GRK6: variants seen among roughly 807,000 people sequenced by gnomAD.
The protein encoded by GRK6 is G protein-coupled receptor kinase 6.
Under a neutral mutation model 80.8 loss-of-function variants are expected in GRK6, and 37 were observed. The observed-to-expected ratio is 0.46, with a 90% CI of 0.35 to 0.60. The LOEUF (loss-of-function observed/expected upper bound fraction) is 0.60. GRK6 is among the 20% of genes least tolerant of loss of function. GRK6 has a pLI of 0.00. For missense variants in GRK6, 560 were observed against 784.6 expected, an observed-to-expected ratio of 0.71 and a Z score of 3.42; for synonymous variants, 295 against 320.9, an observed-to-expected ratio of 0.92 and a Z score of 0.86.
intron 15 of GRK6, 105 bp from the exon 16 acceptor site, chr5:177,441,632 G>T (rs1764504276): frequency 4.2e-6 from 4 of 962,438 alleles, no homozygotes; most frequent in Non-Finnish European, 6.8e-6. Flanking sequence ...CCCTCAGGCA[G>T]CTCCTGGCCT....
At chr5:177,435,430 T>C (rs914284181) in intron 11 of GRK6, among the ~76,000 whole-genome samples, 1 of 152,252 alleles carries the variant, frequency 6.6e-6, no homozygotes, top group Non-Finnish European at 1.5e-5. Context: ...GCCCTCCCTG[T>C]GCCCATCTGT....
chr5:177,434,965 C>T, intron 10 of GRK6, 26 bp downstream of exon 10: 1 of 1,601,354 alleles, frequency 6.2e-7, no homozygotes, highest in Non-Finnish European at 8.6e-7. Flanking sequence ...TGGGGTGGGT[C>T]AGGGTGGGGT....
intron 11 of GRK6, among the ~76,000 whole-genome samples, chr5:177,435,501 G>T (rs897962765): frequency 6.6e-6 from 1 of 152,226 alleles, no homozygotes; most frequent in Non-Finnish European, 1.5e-5. Context: ...ACCGAGAGAC[G>T]CAGGAGGCAG....
intron 13 of GRK6, 70 bp downstream of exon 13, chr5:177,436,600 C>A (rs1257082866): frequency 2.1e-6 from 3 of 1,397,662 alleles, no homozygotes; most frequent in African/African-American, 2.9e-5. Flanking sequence ...CTTGTAGTAT[C>A]AGCCAGGATG....
chr5:177,440,844 G>A lies in GRK6; in HGVS notation c.1542+7G>A, dbSNP rs776446206. ...CATCCCCTGGCAGAACGAGGTGGGG[G>A]CCTGCCCTGCTGGTGGGGTGGGCTC... On this transcript the variant is annotated splice_region_variant and intron_variant, in intron 14 of 15. Transcript: ENST00000355472. The A allele has an allele frequency of 1.2e-6, 2 of 1,613,808 alleles. No individual in the cohort carries two copies. Among genetic ancestry groups the A allele is most frequent in the East Asian group, 2.2e-5 (1 of 44,876 alleles).
rs1763946732 is a variant in GRK6 at position 177,432,447 on chromosome 5, C to G, written c.339+137C>G. The G allele has an allele frequency of 7.5e-6, 7 of 931,716 alleles. No individual in the cohort carries two copies. In the Admixed American group the frequency reaches 1.5e-4, roughly 19 times the overall value. The allele number at this position is 931,716 out of a possible 1,614,324, so 57.7% of individuals were successfully genotyped here. On this transcript the variant is annotated intron_variant, in intron 4 of 15. Transcript: ENST00000355472. ...AACACACAGCCTGGACAGAGAGTGC[C>G]CTGGAGCTGCTCCAGGCAGCACGGC...
At chr5:177,436,334 T>TGCCCAC in intron 12 of GRK6, 53 bp downstream of exon 12, 3 of 1,556,024 alleles carry the variant, frequency 1.9e-6, no homozygotes, top group Non-Finnish European at 2.7e-6. Flanking sequence ...GATGCACCTT[T>TGCCCAC]CCCTCCCTCC....
Position 177,429,296 on chromosome 5 carries a change from G to T in GRK6, c.53-1576G>T, listed in dbSNP as rs1404364134. Among the ~76,000 whole-genome samples the T allele has an allele frequency of 6.6e-6, 1 of 152,116 alleles. No individual in the cohort carries two copies. The highest frequency in any genetic ancestry group is 2.4e-5 in the African/African-American group (1 of 41,426). Reference sequence around the variant, plus strand: ...CCCAGGGACACTGAAAGGGGACAGGGAGGGTGGGGAAGAGCTCCACTGACT... The same window carrying T: ...CCCAGGGACACTGAAAGGGGACAGGTAGGGTGGGGAAGAGCTCCACTGACT... On this transcript the variant is annotated intron_variant, in intron 1 of 15. Coordinates refer to ENST00000355472, the MANE Select transcript of GRK6 (RefSeq NM_001004106.3). This position sits in a 1 kb window ranked among gnomAD's most constrained non-coding sequence, Gnocchi z 4.3.
At chr5:177,440,486 G>C (rs533751342) in intron 13 of GRK6, among the ~76,000 whole-genome samples, 2 of 152,382 alleles carry the variant, frequency 1.3e-5, no homozygotes, top group African/African-American at 2.4e-5. Context: ...GAGCAGTGAG[G>C]AATAACGTAC....
intron 13 of GRK6, among the ~76,000 whole-genome samples, chr5:177,438,286 T>C (rs557078347): frequency 1.2e-4 from 19 of 152,210 alleles, no homozygotes; most frequent in African/African-American, 3.9e-4. Context: ...GAGAATCGCT[T>C]GAACCCAAGA....
At chr5:177,426,588 G>C (rs1421007161), upstream of GRK6, 3 of 152,102 alleles carry the variant, frequency 2.0e-5, no homozygotes, top group African/African-American at 7.2e-5. Flanking sequence ...AGACGGCGCG[G>C]GGAGCTTCTG....
intron 2 of GRK6, 135 bp downstream of exon 2, chr5:177,431,102 C>T: frequency 1.5e-6 from 1 of 676,564 alleles, no homozygotes; most frequent in Non-Finnish European, 2.6e-6. Flanking sequence ...GAGGACTGCA[C>T]CATTCAGCCC....
At chr5:177,436,005 C>T (rs753787551) in intron 11 of GRK6, 68 bp from the exon 12 acceptor site, 32 of 1,367,968 alleles carry the variant, frequency 2.3e-5, no homozygotes, top group South Asian at 1.7e-4. Context: ...CGTGCACTGG[C>T]GTTCCTGGGG....
At position 177,436,061 on chromosome 5, in the gene GRK6, C is replaced by A; in HGVS notation, c.1058-12C>A. Reference sequence around the variant, plus strand: ...CTCCTGCCCAGCCCTAACTCCCATGCCGCCCGCCCAGCTCCGGAGGTGGTG... The same window carrying A: ...CTCCTGCCCAGCCCTAACTCCCATGACGCCCGCCCAGCTCCGGAGGTGGTG... On this transcript the variant is annotated splice_polypyrimidine_tract_variant and intron_variant, in intron 11 of 15. Coordinates refer to ENST00000355472, the MANE Select transcript of GRK6 (RefSeq NM_001004106.3). 13 of 1,609,680 alleles carry A rather than the reference C, an allele frequency of 8.1e-6. No individual in the cohort carries two copies. Among genetic ancestry groups the A allele is most frequent in the Non-Finnish European group, 1.1e-5 (13 of 1,176,762 alleles).
chr5:177,434,780 C>T, intron 9 of GRK6, 122 bp from the exon 10 acceptor site: 1 of 1,070,934 alleles, frequency 9.3e-7, no homozygotes, highest in Non-Finnish European at 1.4e-6. Context: ...GCCCTGGCAG[C>T]AAATGAGTCT....
chr5:177,438,611 CTGAG>C (rs1212338172), intron 13 of GRK6: 2 of 152,292 alleles, frequency 1.3e-5, no homozygotes, highest in Admixed American at 6.5e-5. Flanking sequence ...ACCTGTGTGG[CTGAG>C]TGAGCCCGTG....
rs1486432563 is a variant in GRK6 at position 177,436,199 on chromosome 5, A to T, written c.1184A>T (p.Glu395Val). The T allele has an allele frequency of 1.2e-6, 2 of 1,614,040 alleles. No individual in the cohort carries two copies. Among genetic ancestry groups the T allele is most frequent in the Non-Finnish European group, 8.5e-7 (1 of 1,180,032 alleles). Residue 395 changes from glutamate (E) to valine (V), a missense_variant, in exon 12 of 16, where the codon GAG (glutamate) becomes GTG (valine). Transcript: ENST00000355472. Reference sequence around the variant, plus strand: ...CAGAGGAAGAAGAAGATCAAGCGGGAGGAGGTGGAGCGGCTGGTGAAGGAG... The same window carrying T: ...CAGAGGAAGAAGAAGATCAAGCGGGTGGAGGTGGAGCGGCTGGTGAAGGAG... ...FQQRKKKIKR[E>V]EVERLVKEVP... is the part of the protein sequence containing the mutation.
At chr5:177,432,610 C>G (rs1160223862) in intron 4 of GRK6, 96 bp from the exon 5 acceptor site, 1 of 881,120 alleles carries the variant, frequency 1.1e-6, no homozygotes, top group Non-Finnish European at 1.8e-6. Flanking sequence ...TGCAGCCTCT[C>G]ATGGCACCAG....
intron 1 of GRK6, 113 bp downstream of exon 1, chr5:177,427,010 C>CCTTA: frequency 1.9e-6 from 1 of 538,278 alleles, no homozygotes; most frequent in Non-Finnish European, 2.7e-6. Context: ...GGGCCCTGCG[C>CCTTA]CTTACACCCC....
Sources: allele counts gnomAD v4.1 joint callset (sites outside exome capture counted in the v4.1 genomes callset), GRCh38; gene constraint gnomAD v4.1.1; non-coding constraint Gnocchi (gnomAD v3.1); transcripts MANE v1.5; gene names NCBI Gene and HGNC (gene_info 2026-07-23, HGNC 2026-07-21).